Variants in NLN observed in about 807,000 individuals in gnomAD.
The protein encoded by NLN is neurolysin, mitochondrial.
Under a neutral mutation model 79.9 loss-of-function variants are expected in NLN, and 64 were observed. The observed-to-expected ratio is 0.80, with a 90% CI of 0.65 to 0.99. The LOEUF is 0.99. Ranked by LOEUF, NLN falls within the 50% of genes least tolerant of loss-of-function variation. The probability of loss-of-function intolerance (pLI) is 0.00; values close to 1 mark genes in which losing one functional copy is unlikely to be tolerated. For missense variants in NLN, 835 were observed against 858.7 expected (o/e 0.97, Z 0.34); for synonymous variants, 267 against 296.6 (o/e 0.90, Z 1.02).
intron 8 of NLN, among the ~76,000 whole-genome samples, chr5:65,792,048 C>T (rs996070680): frequency 4.6e-5 from 7 of 152,222 alleles, no homozygotes; most frequent in East Asian, 3.9e-4. Context: ...TTTTTTATTC[C>T]GATTTTAATG....
intron 8 of NLN, 57 bp downstream of exon 8, chr5:65,788,541 A>C: frequency 1.3e-6 from 2 of 1,543,530 alleles, no homozygotes; most frequent in Admixed American, 1.8e-5. Context: ...GCCTACTTTA[A>C]GACTCTACTC....
intron 1 of NLN, chr5:65,733,032 A>C: frequency 8.2e-7 from 1 of 1,219,358 alleles, no homozygotes; most frequent in Non-Finnish European, 1.2e-6. Context: ...TACCATTGAG[A>C]TGATTTCCCA....
intron 1 of NLN, among the ~76,000 whole-genome samples, chr5:65,730,092 T>C (rs1019063157): frequency 1.3e-5 from 2 of 152,210 alleles, no homozygotes; most frequent in African/African-American, 4.8e-5. Context: ...TGCGAAATAG[T>C]ATTCTTGGTC....
At chr5:65,799,711 T>C (rs923730630) in intron 9 of NLN, among the ~76,000 whole-genome samples, 2 of 152,230 alleles carry the variant, frequency 1.3e-5, no homozygotes, top group African/African-American at 4.8e-5. Flanking sequence ...TCAAAACTTC[T>C]CCAAATTATG....
At chr5:65,755,093 A>G (rs1759190600) in intron 1 of NLN, among the ~76,000 whole-genome samples, 1 of 152,144 alleles carries the variant, frequency 6.6e-6, no homozygotes, top group South Asian at 2.1e-4. Flanking sequence ...GATTTTACTA[A>G]GACTGTAGTT....
At chr5:65,811,415 G>A (rs989909093) in intron 11 of NLN, among the ~76,000 whole-genome samples, 58 of 152,078 alleles carry the variant, frequency 3.8e-4, no homozygotes, top group African/African-American at 1.3e-3. Flanking sequence ...GGTGGCTCAC[G>A]CCTGTAATCC....
intron 3 of NLN, among the ~76,000 whole-genome samples, chr5:65,774,805 G>A (rs1229892440): frequency 6.6e-6 from 1 of 150,980 alleles, no homozygotes; most frequent in African/African-American, 2.4e-5. Flanking sequence ...GCTGACTACA[G>A]CTTCCACTTC....
intron 1 of NLN, among the ~76,000 whole-genome samples, chr5:65,741,624 C>T (rs34989): frequency 0.29 from 43,761 of 151,918 alleles, 6,481 homozygotes; most frequent in South Asian, 0.41. Flanking sequence ...GAAAAGTATG[C>T]CCCAAACACC....
chr5:65,757,794 T>C (rs951428616), intron 1 of NLN, among the ~76,000 whole-genome samples: 4 of 152,202 alleles, frequency 2.6e-5, no homozygotes, highest in Admixed American at 1.3e-4. Flanking sequence ...ATTGTCATTC[T>C]TAATTTACAT....
At chr5:65,808,130 G>A (rs1760458903) in intron 9 of NLN, among the ~76,000 whole-genome samples, 1 of 152,128 alleles carries the variant, frequency 6.6e-6, no homozygotes, top group African/African-American at 2.4e-5. Flanking sequence ...AGTGAATTTA[G>A]TTATCCTTGC....
rs551184597 is a variant in NLN, at chr5:65,767,525, G to A, written c.450+4417G>A. ...TCTCCTAGGCCTCCAGGCCTGTGAT[G>A]GGAGGGGCTGTTGTGAAGACCTCTG... On this transcript the variant is annotated intron_variant, in intron 3 of 12. Transcript: ENST00000380985. 4.9e-4 allele frequency among the ~76,000 whole-genome samples: 74 copies of A among 152,302 alleles called. 1 individual carries two copies. Among genetic ancestry groups the A allele is most frequent in the African/African-American group, 1.8e-3 (73 of 41,564 alleles).
In NLN at chr5:65,802,435, C is replaced by T. The variant is rs113561867; in HGVS notation, c.1528-7080C>T. Reference sequence around the variant, plus strand: ...ACAGTGGCACCCAGAAGCTTAGAGACGCTGGGAACCACATAGCCCCAAAGA... The same window carrying T: ...ACAGTGGCACCCAGAAGCTTAGAGATGCTGGGAACCACATAGCCCCAAAGA... On this transcript the variant is annotated intron_variant, in intron 9 of 12. Coordinates refer to ENST00000380985, the MANE Select transcript of NLN (RefSeq NM_020726.5). 2.6e-3 allele frequency among the ~76,000 whole-genome samples: 397 copies of T among 152,334 alleles called. 2 individuals carry two copies. Among genetic ancestry groups the T allele is most frequent in the African/African-American group, 8.5e-3 (354 of 41,578 alleles).
In NLN at chr5:65,822,815, C is replaced by G. The variant is rs752415667; in HGVS notation, c.2015C>G (p.Pro672Arg). 3 of 1,611,884 alleles carry G rather than the reference C, an allele frequency of 1.9e-6. No individual in the cohort carries two copies. In the Admixed American group the frequency reaches 5.0e-5, roughly 27 times the overall value. The change falls in exon 13 of 13, where the codon CCT becomes CGT. Residue 672 changes from proline (P) to arginine (R), a missense_variant. Physicochemically the swap from Pro to Arg is moderately radical, Grantham distance 103. Transcript: ENST00000380985. The stretch of plus-strand genomic sequence containing the variant: ...AAATACAGAAACCTAATCCTGAAAC[C>G]TGGGGGATCTCTGGACGGCATGGAC... ...GMKYRNLILK[P>R]GGSLDGMDML...
At chr5:65,759,995 A>G (rs562579475) in intron 2 of NLN, among the ~76,000 whole-genome samples, 15 of 152,318 alleles carry the variant, frequency 9.8e-5, no homozygotes, top group Non-Finnish European at 1.8e-4. Context: ...TAATTATGAC[A>G]GACAACTTTG....
chr5:65,734,575 C>T (rs1487164990), intron 1 of NLN, among the ~76,000 whole-genome samples: 3 of 151,968 alleles, frequency 2.0e-5, no homozygotes, highest in African/African-American at 4.8e-5. Flanking sequence ...GCCCATTCTG[C>T]CCACTCTGAG....
chr5:65,777,298 C>T, intron 3 of NLN, 129 bp from the exon 4 acceptor site: 1 of 672,086 alleles, frequency 1.5e-6, no homozygotes. Flanking sequence ...TCAATAGGGC[C>T]TGCCTCGTAA....
At chr5:65,791,737 A>G (rs1760066262) in intron 8 of NLN, among the ~76,000 whole-genome samples, 1 of 151,998 alleles carries the variant, frequency 6.6e-6, no homozygotes. Flanking sequence ...AAAAAAAAAT[A>G]AAAAGACCAG....
At chr5:65,761,494 G>A (rs1759339334) in intron 2 of NLN, among the ~76,000 whole-genome samples, 1 of 151,982 alleles carries the variant, frequency 6.6e-6, no homozygotes, top group African/African-American at 2.4e-5. Flanking sequence ...ATTTCACCAT[G>A]TTGGCCAGGC....
rs777023780 is a variant in NLN at position 65,785,772 on chromosome 5, T to G, written c.823-3T>G. On this transcript the variant is annotated splice_polypyrimidine_tract_variant and splice_region_variant and intron_variant, in intron 6 of 12. Coordinates refer to ENST00000380985, the MANE Select transcript of NLN (RefSeq NM_020726.5). The stretch of plus-strand genomic sequence containing the variant: ...TTATTTTGTTGCTGTTGTTTATTAC[T>G]AGGAAAACACCATAATTTTGCAGCA... The G allele has an allele frequency of 6.2e-7, 1 of 1,613,050 alleles. No individual in the cohort carries two copies. The highest frequency in any genetic ancestry group is 8.5e-7 in the Non-Finnish European group (1 of 1,179,148).
Sources: allele counts gnomAD v4.1 joint callset (sites outside exome capture counted in the v4.1 genomes callset), GRCh38; gene constraint gnomAD v4.1.1; transcripts MANE v1.5; gene names NCBI Gene and HGNC (gene_info 2026-07-23, HGNC 2026-07-21).